Variants in TMEM135 observed in about 807,000 individuals in gnomAD.
TMEM135 encodes the protein transmembrane protein 135.
Under a neutral mutation model 60.3 loss-of-function variants are expected in TMEM135, and 30 were observed. The observed-to-expected ratio is 0.50, with a 90% CI of 0.37 to 0.68. The LOEUF is 0.68. Ranked by LOEUF, TMEM135 falls within the 30% of genes least tolerant of loss-of-function variation. The probability of loss-of-function intolerance (pLI) is 0.00; values close to 1 mark genes in which losing one functional copy is unlikely to be tolerated. For synonymous variants in TMEM135, 190 were observed against 186.7 expected, an observed-to-expected ratio of 1.02 and a Z score of -0.14; for missense variants, 468 against 548.8, an observed-to-expected ratio of 0.85 and a Z score of 1.47.
At chr11:87,173,744 G>A (rs1046160419) in intron 5 of TMEM135, among the ~76,000 whole-genome samples, 8 of 152,086 alleles carry the variant, frequency 5.3e-5, no homozygotes, top group East Asian at 1.9e-4. Context: ...GTGTGAACTG[G>A]TAGTTGATAA....
At position 87,037,934 on chromosome 11, in the gene TMEM135, A is replaced by C. The variant is rs1949715907; in HGVS notation, c.-112A>C. The C allele has an allele frequency of 6.6e-7, 1 of 1,514,464 alleles. No individual in the cohort carries two copies. The highest frequency in any genetic ancestry group is 9.1e-7 in the Non-Finnish European group (1 of 1,101,128). 93.8% of individuals were successfully genotyped at this position (1,514,464 alleles called of 1,614,324 possible). A position where few individuals can be genotyped will look rare whatever the true frequency, so the allele number is the denominator to read the frequency against. ...CCCGCTCTCGTGACCTTTCCCCTCC[A>C]TTCCGCACCTCCGAGTGCTGGCCGG... On this transcript the variant is annotated 5_prime_UTR_variant, in exon 1 of 15. Coordinates refer to ENST00000305494, the MANE Select transcript of TMEM135 (RefSeq NM_022918.4).
chr11:87,182,658 C>A (rs1040506298), intron 5 of TMEM135, among the ~76,000 whole-genome samples: 2 of 152,080 alleles, frequency 1.3e-5, no homozygotes, highest in East Asian at 1.9e-4. Context: ...TATTTTACTT[C>A]ATGGAAGATC....
chr11:87,248,473 T>C (rs1302488796), intron 6 of TMEM135, among the ~76,000 whole-genome samples: 2 of 152,230 alleles, frequency 1.3e-5, no homozygotes, highest in Admixed American at 1.3e-4. Flanking sequence ...CACCTTCTTA[T>C]ATACCTGCTT....
chr11:87,074,670 ATG>A (rs1818159571), intron 3 of TMEM135, among the ~76,000 whole-genome samples: 1 of 152,164 alleles, frequency 6.6e-6, no homozygotes, highest in African/African-American at 2.4e-5. Flanking sequence ...ATATATGTGA[ATG>A]TGTGTTTTTT....
At chr11:87,066,820 T>A (rs2135135561) in intron 1 of TMEM135, among the ~76,000 whole-genome samples, 1 of 149,694 alleles carries the variant, frequency 6.7e-6, no homozygotes, top group South Asian at 2.1e-4. Flanking sequence ...CTCACTCTGT[T>A]GCCAGGCTAG....
At chr11:87,317,776 G>A (rs117954227) in intron 12 of TMEM135, among the ~76,000 whole-genome samples, 4 of 152,072 alleles carry the variant, frequency 2.6e-5, no homozygotes, top group East Asian at 1.9e-4. Flanking sequence ...AGTGCCCGGC[G>A]TGTAGACACC....
rs148951015 is a variant in TMEM135 at position 87,131,864 on chromosome 11, C to A, written c.397-25477C>A. 1.8e-4 allele frequency among the ~76,000 whole-genome samples: 27 copies of A among 152,162 alleles called. 1 individual carries two copies. The highest frequency in any genetic ancestry group is 2.9e-5 in the Non-Finnish European group (2 of 68,028). On this transcript the variant is annotated intron_variant, in intron 4 of 14. Transcript: ENST00000305494. ...GTCTGTATTTACAACCTCTCCCCAT[C>A]GCTTGCATTGCCGCCTGAGCTCTGC...
chr11:87,266,921 C>A (rs12278867), intron 6 of TMEM135, among the ~76,000 whole-genome samples: 9 of 151,956 alleles, frequency 5.9e-5, no homozygotes, highest in Admixed American at 5.2e-4. Context: ...ACATAGTTGC[C>A]TCATTATAGG....
intron 5 of TMEM135, among the ~76,000 whole-genome samples, chr11:87,213,013 C>T (rs1001608475): frequency 6.6e-6 from 1 of 152,000 alleles, no homozygotes; most frequent in Non-Finnish European, 1.5e-5. Flanking sequence ...TCATCTTTCT[C>T]TGGTCTCATG....
intron 2 of TMEM135, among the ~76,000 whole-genome samples, chr11:87,068,190 A>T (rs1395616867): frequency 6.6e-6 from 1 of 152,230 alleles, no homozygotes; most frequent in Non-Finnish European, 1.5e-5. Context: ...GCAGTGAACA[A>T]ACTTCAAAAG....
At chr11:87,041,978 G>A (rs920013395) in intron 1 of TMEM135, among the ~76,000 whole-genome samples, 1 of 152,240 alleles carries the variant, frequency 6.6e-6, no homozygotes, top group African/African-American at 2.4e-5. Flanking sequence ...AGACAAGCTG[G>A]TGTAGGGACC....
chr11:87,246,968 C>G (rs1451381050), intron 6 of TMEM135, among the ~76,000 whole-genome samples: 1 of 142,380 alleles, frequency 7.0e-6, no homozygotes, highest in East Asian at 2.0e-4. Flanking sequence ...CTGTTTTTTC[C>G]CCATCTTTGT....
intron 6 of TMEM135, among the ~76,000 whole-genome samples, chr11:87,240,599 A>G (rs1941108909): frequency 6.6e-6 from 1 of 152,126 alleles, no homozygotes; most frequent in Non-Finnish European, 1.5e-5. Flanking sequence ...AGAATCAACA[A>G]TAAACATCAA....
chr11:87,106,077 A>G (rs553198819), intron 4 of TMEM135, among the ~76,000 whole-genome samples: 40 of 150,514 alleles, frequency 2.7e-4, no homozygotes, highest in African/African-American at 9.5e-4. Flanking sequence ...CTCCAGTTCC[A>G]TCTGTGTTGC....
intron 1 of TMEM135, among the ~76,000 whole-genome samples, chr11:87,040,158 G>C (rs1034585691): frequency 2.0e-5 from 3 of 152,114 alleles, no homozygotes; most frequent in African/African-American, 7.2e-5. Flanking sequence ...TTAGTGAAAT[G>C]GAAGAAAATA....
At chr11:87,279,200 A>G (rs1454263701) in intron 6 of TMEM135, among the ~76,000 whole-genome samples, 1 of 152,102 alleles carries the variant, frequency 6.6e-6, no homozygotes, top group African/African-American at 2.4e-5. Context: ...GTGTACTAGT[A>G]TGATTATATC....
At chr11:87,063,545 C>G (rs1379556610) in intron 1 of TMEM135, among the ~76,000 whole-genome samples, 1 of 152,172 alleles carries the variant, frequency 6.6e-6, no homozygotes, top group African/African-American at 2.4e-5. Flanking sequence ...TTAGTGCTTC[C>G]TAACCTTTTT....
At chr11:87,281,462 A>G (rs1161281938) in intron 6 of TMEM135, among the ~76,000 whole-genome samples, 3 of 152,256 alleles carry the variant, frequency 2.0e-5, no homozygotes, top group African/African-American at 7.2e-5. Flanking sequence ...TGAAACCAGT[A>G]CCAGAAAGAT....
chr11:87,244,983 C>T (rs1941231439), intron 6 of TMEM135, among the ~76,000 whole-genome samples: 1 of 151,606 alleles, frequency 6.6e-6, no homozygotes, highest in Non-Finnish European at 1.5e-5. Context: ...CTCTTGTGGG[C>T]ATTTAGTGCT....
Sources: gnomAD v4.1 joint callset for allele counts (sites outside exome capture counted in the v4.1 genomes callset) on GRCh38, gnomAD v4.1.1 for gene constraint, MANE v1.5 for transcripts, NCBI Gene and HGNC (gene_info 2026-07-23, HGNC 2026-07-21) for gene names.